VAPA: variants seen among roughly 807,000 people sequenced by gnomAD.
VAPA encodes VAMP associated protein A.
A neutral mutation model predicts 25.6 loss-of-function variants in VAPA; 6 were observed. The observed-to-expected ratio is 0.23, with a 90% CI of 0.13 to 0.46. The LOEUF is 0.46. VAPA is among the 20% of genes least tolerant of loss of function. VAPA has a pLI of 0.99. For missense variants in VAPA, 244 were observed against 302.1 expected (o/e 0.81, Z 1.43); for synonymous variants, 112 against 106.2 (o/e 1.05, Z -0.34).
chr18:9,923,675 C>T (rs1412382015), intron 1 of VAPA, among the ~76,000 whole-genome samples: 1 of 152,036 alleles, frequency 6.6e-6, no homozygotes, highest in Admixed American at 6.6e-5. Context: ...CTTTTTAAAG[C>T]CTGTAGGGCC....
Position 9,915,017 on chromosome 18 carries a change from C to T in VAPA, c.79+682C>T, listed in dbSNP as rs187365680. The T allele has an allele frequency of 2.7e-3, 412 of 152,644 alleles. 5 individuals carry two copies. Among genetic ancestry groups the T allele is most frequent in the African/African-American group, 9.6e-3 (400 of 41,574 alleles). 9.5% of individuals were successfully genotyped at this position (152,644 alleles called of 1,614,324 possible). On this transcript the variant is annotated intron_variant, in intron 1 of 5. Transcript: ENST00000400000. ...GGACGCGCCGGGGAGGTGGAGAGTC[C>T]TTGGAGGTGCCTGGCGAGGGCTGCC... is the stretch of plus-strand genomic sequence containing the variant.
In VAPA at chr18:9,950,439, G is replaced by C. The variant is rs758031933; in HGVS notation, c.462G>C (p.Lys154Asn). The C allele has an allele frequency of 6.2e-7, 1 of 1,614,080 alleles. No homozygotes were observed. Among genetic ancestry groups the C allele is most frequent in the Non-Finnish European group, 8.5e-7 (1 of 1,179,986 alleles). The change falls in exon 5 of 6, where the codon AAG becomes AAC. Residue 154 changes from lysine (K) to asparagine (N), a missense_variant. Lys to Asn is a moderately conservative substitution (Grantham distance 94). Transcript: ENST00000400000. The stretch of plus-strand genomic sequence containing the variant: ...AAGCTGTTCCACTGAATGCATCTAA[G>C]CAAGATGGACCTATGCCAAAACCAC... ...PSKAVPLNAS[K>N]QDGPMPKPHS...
intron 2 of VAPA, among the ~76,000 whole-genome samples, chr18:9,935,782 A>G (rs2069303725): frequency 6.6e-6 from 1 of 152,234 alleles, no homozygotes; most frequent in Admixed American, 6.5e-5. Flanking sequence ...TGAGTTTAGA[A>G]AGGGCAAAAT....
At chr18:9,947,095 G>A (rs1033947264) in intron 4 of VAPA, among the ~76,000 whole-genome samples, 1 of 152,154 alleles carries the variant, frequency 6.6e-6, no homozygotes, top group South Asian at 2.1e-4. Context: ...TCATGGAGCT[G>A]ACATCTCCTA....
At chr18:9,945,879 C>G (rs2069417829) in intron 4 of VAPA, among the ~76,000 whole-genome samples, 1 of 152,020 alleles carries the variant, frequency 6.6e-6, no homozygotes, top group Non-Finnish European at 1.5e-5. Context: ...TAAATCCTGT[C>G]TCTTAATTCA....
chr18:9,952,783 C>T (rs1362609116), intron 5 of VAPA, among the ~76,000 whole-genome samples: 1 of 152,076 alleles, frequency 6.6e-6, no homozygotes, highest in East Asian at 1.9e-4. Context: ...TTGCCCCAGA[C>T]CTAATGAGTC....
At chr18:9,944,840 T>C in intron 4 of VAPA, 1 of 1,495,196 alleles carries the variant, frequency 6.7e-7, no homozygotes, top group Non-Finnish European at 9.0e-7. Flanking sequence ...GCCTAATGCT[T>C]TCTGTGTCAG....
chr18:9,926,881 G>C (rs1599100672), intron 1 of VAPA, among the ~76,000 whole-genome samples: 1 of 152,236 alleles, frequency 6.6e-6, no homozygotes, highest in East Asian at 1.9e-4. Context: ...CTTCTTGCAA[G>C]ATGTGCAGAA....
intron 1 of VAPA, among the ~76,000 whole-genome samples, chr18:9,929,720 G>A (rs1386114498): frequency 6.6e-6 from 1 of 152,038 alleles, no homozygotes; most frequent in African/African-American, 2.4e-5. Context: ...CTAGGAAAGG[G>A]GCTCAAACTC....
In VAPA at chr18:9,914,172, G is replaced by C. The variant is rs1364758323; in HGVS notation, c.-85G>C. ...CGAGCCTGGCCTCGTCCTAGAGCTC[G>C]GCCGAGCCGTCGCCGCCGTCGTCCC... On this transcript the variant is annotated 5_prime_UTR_variant, in exon 1 of 6. Transcript: ENST00000400000. 2 of 1,278,582 alleles carry C rather than the reference G, an allele frequency of 1.6e-6. No individual in the cohort carries two copies. The highest frequency in any genetic ancestry group is 2.2e-6 in the Non-Finnish European group (2 of 928,878). 79.2% of individuals were successfully genotyped at this position (1,278,582 alleles called of 1,614,324 possible).
Position 9,931,029 on chromosome 18 carries a change from A to G in VAPA, c.80-781A>G, listed in dbSNP as rs77575074. ...TCCAGCCTTCTAGCTTTTTTAAAAA[A>G]TACATAACTTTAAACGAATTGTTTT... On this transcript the variant is annotated intron_variant, in intron 1 of 5. Coordinates refer to ENST00000400000, the MANE Select transcript of VAPA (RefSeq NM_194434.3). 5.8e-3 allele frequency among the ~76,000 whole-genome samples: 876 copies of G among 152,264 alleles called. 6 individuals carry two copies. Among genetic ancestry groups the G allele is most frequent in the African/African-American group, 0.018 (760 of 41,574 alleles).
At position 9,931,430 on chromosome 18, in the gene VAPA, G is replaced by A. The variant is rs564700549; in HGVS notation, c.80-380G>A. 2.2e-4 allele frequency among the ~76,000 whole-genome samples: 33 copies of A among 152,300 alleles called. 1 individual carries two copies. In the South Asian group the frequency reaches 6.6e-3, roughly 31 times the overall value. ...TCAGATGTAGAGATTTTTGCAGTTG[G>A]CCTAGTAAAATGAACTTGAAGATTG... On this transcript the variant is annotated intron_variant, in intron 1 of 5. Transcript: ENST00000400000.
chr18:9,950,381 T>C lies in VAPA; in HGVS notation c.418-14T>C. On this transcript the variant is annotated splice_polypyrimidine_tract_variant and intron_variant, in intron 4 of 5. Transcript: ENST00000400000. ...TTGGTTAGTTAAAAAATTCCCAATA[T>C]CTTTGTAATGCAGAATGATATGGAA... 1 of 1,605,220 alleles carries C rather than the reference T, an allele frequency of 6.2e-7. No individual in the cohort carries two copies.
intron 1 of VAPA, 118 bp downstream of exon 1, chr18:9,914,453 G>A: frequency 1.2e-6 from 1 of 835,860 alleles, no homozygotes; most frequent in Non-Finnish European, 1.7e-6. Flanking sequence ...CCTCCCCCAC[G>A]CCCCGGCGCC....
intron 4 of VAPA, chr18:9,947,906 G>A (rs1261466297): frequency 6.6e-6 from 1 of 151,922 alleles, no homozygotes; most frequent in African/African-American, 2.4e-5. Context: ...TACATATATA[G>A]CATAACATAT....
intron 1 of VAPA, among the ~76,000 whole-genome samples, chr18:9,930,068 C>A (rs2069238164): frequency 6.6e-6 from 1 of 152,036 alleles, no homozygotes; most frequent in South Asian, 2.1e-4. Context: ...GACCCACAGT[C>A]ATTTTAAAAA....
At chr18:9,937,218 C>CTTTTT (rs10642192) in intron 4 of VAPA, 152 bp downstream of exon 4, 21 of 205,386 alleles carry the variant, frequency 1.0e-4, no homozygotes, top group East Asian at 4.6e-4. Context: ...CTTGGTATGC[C>CTTTTT]TTTTTTTTTT....
chr18:9,943,840 CCTTTTTTTT>C (rs2069390615), intron 4 of VAPA, among the ~76,000 whole-genome samples: 1 of 90,446 alleles, frequency 1.1e-5, no homozygotes, highest in Non-Finnish European at 2.4e-5. Flanking sequence ...GACATATTTC[CCTTTTTTTT>C]TTTTTTTTTT....
intron 1 of VAPA, among the ~76,000 whole-genome samples, chr18:9,927,470 G>A (rs1390903906): frequency 6.8e-6 from 1 of 147,788 alleles, no homozygotes; most frequent in African/African-American, 2.6e-5. Flanking sequence ...CTGTTACAGT[G>A]GTTCTTTTTT....
Sources: gnomAD v4.1 joint callset for allele counts (sites outside exome capture counted in the v4.1 genomes callset) on GRCh38, gnomAD v4.1.1 for gene constraint, MANE v1.5 for transcripts, NCBI Gene and HGNC (gene_info 2026-07-23, HGNC 2026-07-21) for gene names.